Variants in CACNA2D1 observed in about 807,000 individuals in gnomAD.
CACNA2D1 encodes calcium voltage-gated channel auxiliary subunit alpha2delta 1, also known as voltage-dependent calcium channel subunit alpha-2/delta-1.
CACNA2D1 carries 53 observed loss-of-function variants against 171.5 expected under a neutral mutation model. The observed-to-expected ratio is 0.31, with a 90% CI of 0.25 to 0.39. The LOEUF (loss-of-function observed/expected upper bound fraction) is 0.39, where lower values mean the gene tolerates loss of function less well. Ranked by LOEUF, CACNA2D1 falls within the 10% of genes least tolerant of loss-of-function variation. CACNA2D1 has a pLI of 1.00. For synonymous variants in CACNA2D1, 442 were observed against 443.1 expected (o/e 1.00, Z 0.03); for missense variants, 903 against 1,299.8 (o/e 0.69, Z 4.69).
intron 10 of CACNA2D1, among the ~76,000 whole-genome samples, chr7:82,041,057 G>C (rs954580095): frequency 6.6e-6 from 1 of 151,920 alleles, no homozygotes; most frequent in Non-Finnish European, 1.5e-5. Context: ...GGGTTGGGGG[G>C]GTGGGGAGGG....
intron 3 of CACNA2D1, among the ~76,000 whole-genome samples, chr7:82,176,179 G>A (rs186552930): frequency 1.3e-5 from 2 of 152,092 alleles, no homozygotes; most frequent in Admixed American, 1.3e-4. Flanking sequence ...TATAGGCAAG[G>A]TGTGACATTT....
chr7:82,316,911 C>T (rs753353041), intron 3 of CACNA2D1, among the ~76,000 whole-genome samples: 24 of 152,138 alleles, frequency 1.6e-4, no homozygotes, highest in Non-Finnish European at 3.2e-4. Flanking sequence ...CCTGGCCTCA[C>T]CCTTGACACA....
chr7:82,355,911 AT>A (rs757866200), intron 1 of CACNA2D1, among the ~76,000 whole-genome samples: 1 of 151,904 alleles, frequency 6.6e-6, no homozygotes, highest in Non-Finnish European at 1.5e-5. Context: ...ATGTCCTACC[AT>A]TCCTTTCAAA....
chr7:82,369,687 T>A (rs897190529), intron 1 of CACNA2D1, among the ~76,000 whole-genome samples: 9 of 151,916 alleles, frequency 5.9e-5, no homozygotes, highest in African/African-American at 2.2e-4. Context: ...AAATAGTATA[T>A]CATGACCAAG....
chr7:82,190,895 T>C (rs184393380), intron 3 of CACNA2D1, among the ~76,000 whole-genome samples: 192 of 151,872 alleles, frequency 1.3e-3, no homozygotes, highest in Admixed American at 4.3e-3. Context: ...AAAACATTTT[T>C]CTTAAAAGGG....
intron 3 of CACNA2D1, among the ~76,000 whole-genome samples, chr7:82,306,503 A>G (rs1028908184): frequency 7.9e-5 from 12 of 152,192 alleles, no homozygotes; most frequent in African/African-American, 2.7e-4. Flanking sequence ...GGAAAGTCCA[A>G]TTGCACATGG....
upstream of CACNA2D1, chr7:82,443,917 T>A: frequency 3.5e-6 from 1 of 281,928 alleles, no homozygotes. Flanking sequence ...CAGAGAGACT[T>A]GTGGAAGCGA....
At chr7:82,315,041 CAGG>C (rs1375336165) in intron 3 of CACNA2D1, among the ~76,000 whole-genome samples, 1 of 142,860 alleles carries the variant, frequency 7.0e-6, no homozygotes, top group Non-Finnish European at 1.5e-5. Context: ...GAGGCTGAGG[CAGG>C]AGAATTGCTT....
chr7:82,267,392 A>C (rs1046823370), intron 3 of CACNA2D1, among the ~76,000 whole-genome samples: 14 of 152,222 alleles, frequency 9.2e-5, no homozygotes, highest in African/African-American at 3.4e-4. Context: ...ACAGTTCATA[A>C]GTGTCACAAT....
At chr7:82,418,528 A>T (rs1828408397) in intron 1 of CACNA2D1, among the ~76,000 whole-genome samples, 1 of 152,040 alleles carries the variant, frequency 6.6e-6, no homozygotes, top group Non-Finnish European at 1.5e-5. Flanking sequence ...TTGATAGAAT[A>T]AAGCAAAAAT....
chr7:82,097,479 C>T (rs895469396), intron 6 of CACNA2D1, among the ~76,000 whole-genome samples: 2 of 152,028 alleles, frequency 1.3e-5, no homozygotes, highest in African/African-American at 4.8e-5. Flanking sequence ...AAAAAATCTA[C>T]AGGCCACAGT....
intron 4 of CACNA2D1, among the ~76,000 whole-genome samples, chr7:82,160,793 T>C (rs1163506607): frequency 1.3e-5 from 2 of 152,094 alleles, no homozygotes; most frequent in Non-Finnish European, 2.9e-5. Context: ...TTTTATAAAA[T>C]TGTTTCTTAA....
intron 38 of CACNA2D1, among the ~76,000 whole-genome samples, chr7:81,953,134 A>G (rs1792805549): frequency 6.6e-6 from 1 of 151,704 alleles, no homozygotes; most frequent in Non-Finnish European, 1.5e-5. Context: ...ACATCCCCAA[A>G]CTTACTGCTT....
intron 3 of CACNA2D1, among the ~76,000 whole-genome samples, chr7:82,176,976 C>G (rs76585212): frequency 1.3e-5 from 2 of 150,724 alleles, no homozygotes; most frequent in East Asian, 3.9e-4. Context: ...TTTTAAAGTA[C>G]TGCTTCTATC....
intron 6 of CACNA2D1, among the ~76,000 whole-genome samples, chr7:82,085,785 A>C (rs1228170582): frequency 2.6e-5 from 4 of 152,098 alleles, no homozygotes; most frequent in African/African-American, 9.7e-5. Flanking sequence ...CTAGAAACTA[A>C]TCTTGGATAG....
intron 4 of CACNA2D1, among the ~76,000 whole-genome samples, chr7:82,141,795 G>A (rs1213998202): frequency 6.6e-6 from 1 of 152,142 alleles, no homozygotes; most frequent in Non-Finnish European, 1.5e-5. Flanking sequence ...CCCGTCTGTT[G>A]ATCAGTTTGA....
At chr7:82,022,381 C>A in intron 12 of CACNA2D1, among the ~76,000 whole-genome samples, 1 of 151,580 alleles carries the variant, frequency 6.6e-6, no homozygotes, top group South Asian at 2.1e-4. Flanking sequence ...AGGTAGAGCC[C>A]TATTCTAAAG....
chr7:82,349,690 G>T, intron 1 of CACNA2D1, 41 bp from the exon 2 acceptor site: 1 of 1,437,014 alleles, frequency 7.0e-7, no homozygotes, highest in Non-Finnish European at 9.8e-7. Context: ...CAGATCTCTG[G>T]CAAATAAAAG....
intron 4 of CACNA2D1, among the ~76,000 whole-genome samples, chr7:82,145,254 A>G (rs1170555799): frequency 6.8e-6 from 1 of 146,072 alleles, no homozygotes; most frequent in East Asian, 1.9e-4. Context: ...ATAAATATAT[A>G]AATTATATAA....
Sources: allele counts gnomAD v4.1 joint callset (sites outside exome capture counted in the v4.1 genomes callset), GRCh38; gene constraint gnomAD v4.1.1; transcripts MANE v1.5; gene names NCBI Gene and HGNC (gene_info 2026-07-23, HGNC 2026-07-21).